The following UTP4 variants were observed in gnomAD, a reference collection of about 807,000 sequenced individuals.
UTP4 encodes UTP4 small subunit processome component, also known as U3 small nucleolar RNA-associated protein 4 homolog.
In UTP4, 45 loss-of-function variants were observed where a neutral mutation model predicts 82.4. The ratio of observed to expected loss-of-function variants is 0.55; its 90% CI spans 0.43 to 0.70. The LOEUF is 0.70. Ranked by LOEUF, UTP4 falls within the 30% of genes least tolerant of loss-of-function variation. The pLI is 0.00. For synonymous variants in UTP4, 348 were observed against 300.3 expected (o/e 1.16, Z -1.64); for missense variants, 819 against 858.3 (o/e 0.95, Z 0.57).
chr16:69,165,320 C>G (rs760541285), intron 14 of UTP4, 21 bp from the exon 15 acceptor site: 3 of 1,612,148 alleles, frequency 1.9e-6, no homozygotes, highest in Admixed American at 3.3e-5. Flanking sequence ...CTGCATTTCT[C>G]TATGTCATGT....
At chr16:69,142,792 G>A (rs1962995866) in intron 5 of UTP4, among the ~76,000 whole-genome samples, 1 of 152,174 alleles carries the variant, frequency 6.6e-6, no homozygotes, top group Non-Finnish European at 1.5e-5. Context: ...TTAAGTGAAT[G>A]TCCCAAATGT....
intron 6 of UTP4, among the ~76,000 whole-genome samples, chr16:69,147,956 GTTTGT>G (rs1225477289): frequency 6.6e-6 from 1 of 151,396 alleles, no homozygotes. Flanking sequence ...TGTTTTGTTT[GTTTGT>G]TTTGTTTTTC....
Position 69,168,811 on chromosome 16 carries a change from C to T in UTP4, c.1945-10C>T. 5 of 1,540,742 alleles carry T rather than the reference C, an allele frequency of 3.2e-6. No homozygotes were observed. Among genetic ancestry groups the T allele is most frequent in the Non-Finnish European group, 4.5e-6 (5 of 1,113,130 alleles). Reference sequence around the variant, plus strand: ...TAAGTCCTGATAGAATAATTATCATCCCTCTGCAGCCTCTACTCTTCATGG... The same window carrying T: ...TAAGTCCTGATAGAATAATTATCATTCCTCTGCAGCCTCTACTCTTCATGG... On this transcript the variant is annotated splice_polypyrimidine_tract_variant and intron_variant, in intron 16 of 16. Coordinates refer to ENST00000314423, the MANE Select transcript of UTP4 (RefSeq NM_032830.3).
At chr16:69,160,275 T>C (rs1963529610) in intron 12 of UTP4, 81 bp from the exon 13 acceptor site, 1 of 1,039,082 alleles carries the variant, frequency 9.6e-7, no homozygotes, top group Non-Finnish European at 1.5e-6. Flanking sequence ...ATGGTCTCCT[T>C]GGCTTTTGCC....
rs775625364 is a variant in UTP4, at chr16:69,163,169, G to A, written c.1638G>A (p.Ser546=). The change falls in exon 14 of 17, where the codon TCG becomes TCA. Residue 546 remains serine (S), a synonymous_variant. Coordinates refer to ENST00000314423, the MANE Select transcript of UTP4 (RefSeq NM_032830.3). The part of the protein sequence containing the change: ...PNTNNLVIAH[S]DQQVFEYSIP... ...CCAACAACCTTGTCATCGCTCATTC[G>A]GACCAGCAGGTAAGGGAGATTCCAG... The A allele has an allele frequency of 1.8e-5, 29 of 1,612,004 alleles. No individual in the cohort carries two copies. Among genetic ancestry groups the A allele is most frequent in the African/African-American group, 8.0e-5 (6 of 74,870 alleles).
At chr16:69,143,851 C>T (rs1474372568) in intron 6 of UTP4, among the ~76,000 whole-genome samples, 7 of 152,152 alleles carry the variant, frequency 4.6e-5, no homozygotes, top group South Asian at 2.1e-4. Flanking sequence ...GCAGGAACCA[C>T]GGCACCTGGC....
rs1962917843 is a variant in UTP4 at position 69,140,063 on chromosome 16, T to G, written c.526+149T>G. 7 of 712,044 alleles carry G rather than the reference T, an allele frequency of 9.8e-6. No homozygotes were observed. The Admixed American group carries it at 1.2e-4, about 13-fold the overall frequency. 44.1% of individuals were successfully genotyped at this position (712,044 alleles called of 1,614,324 possible). ...CTGAGATGTCCACAATTAATTTTAC[T>G]CCTTTCTTGGATTACTACCACTGCT... On this transcript the variant is annotated intron_variant, in intron 5 of 16. Transcript: ENST00000314423.
chr16:69,168,797 A>T lies in UTP4; in HGVS notation c.1945-24A>T, dbSNP rs1963767069. On this transcript the variant is annotated intron_variant, in intron 16 of 16. Coordinates refer to ENST00000314423, the MANE Select transcript of UTP4 (RefSeq NM_032830.3). ...CTAGCCCTGGATCCTAAGTCCTGAT[A>T]GAATAATTATCATCCCTCTGCAGCC... 4.9e-6 allele frequency: 7 copies of T among 1,438,632 alleles called. No homozygotes were observed. In the African/African-American group the frequency reaches 5.6e-5, roughly 12 times the overall value. 89.1% of individuals were successfully genotyped at this position (1,438,632 alleles called of 1,614,324 possible).
intron 12 of UTP4, among the ~76,000 whole-genome samples, chr16:69,157,855 C>G (rs908276291): frequency 7.9e-6 from 1 of 126,684 alleles, no homozygotes; most frequent in Non-Finnish European, 1.8e-5. Context: ...TCCTGCCCTC[C>G]CAGCTGAGAT....
At chr16:69,134,847 C>T (rs1328152257) in intron 2 of UTP4, among the ~76,000 whole-genome samples, 1 of 151,204 alleles carries the variant, frequency 6.6e-6, no homozygotes, top group Admixed American at 6.6e-5. Context: ...GCCACCATGC[C>T]TCGCTAATTT....
chr16:69,139,894 G>A lies in UTP4; in HGVS notation c.506G>A (p.Ser169Asn). 2 of 1,613,032 alleles carry A rather than the reference G, an allele frequency of 1.2e-6. No individual in the cohort carries two copies. Among genetic ancestry groups the A allele is most frequent in the Non-Finnish European group, 1.7e-6 (2 of 1,179,040 alleles). ...HIAAGSIDYI[S>N]VFDVKSGSAV... The stretch of plus-strand genomic sequence containing the variant: ...GCAGCTGGTTCCATAGACTACATTA[G>A]TGTGTTTGATGTCAAATCAGGTGAT... Residue 169 changes from serine (S) to asparagine (N), a missense_variant, in exon 5 of 17, where the codon AGT becomes AAT. Ser to Asn is a conservative substitution (Grantham distance 46, BLOSUM62 1). Coordinates refer to ENST00000314423, the MANE Select transcript of UTP4 (RefSeq NM_032830.3).
At chr16:69,154,310 T>A in intron 9 of UTP4, 83 bp from the exon 10 acceptor site, 3 of 1,105,772 alleles carry the variant, frequency 2.7e-6, no homozygotes, top group Non-Finnish European at 4.1e-6. Flanking sequence ...ATTCCATTTT[T>A]CCAAGGAGTA....
chr16:69,152,028 A>C (rs547845511), intron 8 of UTP4, among the ~76,000 whole-genome samples: 6 of 150,836 alleles, frequency 4.0e-5, no homozygotes, highest in South Asian at 2.1e-4. Context: ...ATAGATAGAT[A>C]GATCAACAGC....
At chr16:69,160,876 A>C (rs751747101) in intron 13 of UTP4, among the ~76,000 whole-genome samples, 19 of 152,052 alleles carry the variant, frequency 1.2e-4, no homozygotes, top group Non-Finnish European at 2.6e-4. Flanking sequence ...GATTACAGGC[A>C]TGAGCCACCG....
chr16:69,151,099 C>T (rs564160266), intron 8 of UTP4, among the ~76,000 whole-genome samples, 195 bp downstream of exon 8: 36 of 152,026 alleles, frequency 2.4e-4, no homozygotes, highest in South Asian at 4.2e-4. Flanking sequence ...CTCCACCTCC[C>T]GGGTTCAAGC....
At chr16:69,146,291 C>T (rs1284565679) in intron 6 of UTP4, among the ~76,000 whole-genome samples, 1 of 152,158 alleles carries the variant, frequency 6.6e-6, no homozygotes, top group East Asian at 1.9e-4. Context: ...AAACAGAAAC[C>T]TGTACTCATT....
intron 12 of UTP4, among the ~76,000 whole-genome samples, chr16:69,159,807 G>A (rs1255319266): frequency 6.6e-6 from 1 of 152,086 alleles, no homozygotes; most frequent in African/African-American, 2.4e-5. Flanking sequence ...AGCCAACATG[G>A]TGAAACCCCA....
intron 9 of UTP4, 75 bp downstream of exon 9, chr16:69,153,755 C>T (rs1257731812): frequency 1.0e-6 from 1 of 1,003,842 alleles, no homozygotes; most frequent in Non-Finnish European, 1.6e-6. Flanking sequence ...GGTTGGAATT[C>T]TGCTTATAGA....
intron 6 of UTP4, among the ~76,000 whole-genome samples, chr16:69,146,799 A>T (rs1378961979): frequency 3.3e-5 from 5 of 151,508 alleles, no homozygotes. Context: ...GATCAAGACC[A>T]TCCCGGCTAA....
Sources: gnomAD v4.1 joint callset for allele counts (sites outside exome capture counted in the v4.1 genomes callset) on GRCh38, gnomAD v4.1.1 for gene constraint, MANE v1.5 for transcripts, NCBI Gene and HGNC (gene_info 2026-07-23, HGNC 2026-07-21) for gene names.